The following PCDHA3 variants were observed in gnomAD, a reference collection of about 807,000 sequenced individuals.
PCDHA3 encodes protocadherin alpha-3.
A neutral mutation model predicts 62.2 loss-of-function variants in PCDHA3; 41 were observed. The observed-to-expected ratio is 0.66, with a 90% CI of 0.51 to 0.86. The LOEUF (loss-of-function observed/expected upper bound fraction) is 0.86. Among genes scored for constraint, PCDHA3 ranks in the 40% least tolerant of loss-of-function variants. The pLI, the probability that PCDHA3 is intolerant of heterozygous loss-of-function variation, is 0.00. For missense variants in PCDHA3, 1,304 were observed against 1,241.2 expected, an observed-to-expected ratio of 1.05 and a Z score of -0.76; for synonymous variants, 640 against 555.4, an observed-to-expected ratio of 1.15 and a Z score of -2.14.
intron 1 of PCDHA3, chr5:140,884,538 G>C: frequency 6.2e-7 from 1 of 1,614,112 alleles, no homozygotes; most frequent in Non-Finnish European, 8.5e-7. Flanking sequence ...AGGCGGCCGA[G>C]GGTGTGCTCT....
intron 1 of PCDHA3, chr5:140,822,926 T>C: frequency 6.2e-7 from 1 of 1,614,226 alleles, no homozygotes; most frequent in Middle Eastern, 1.6e-4. Context: ...AACGGGCAGG[T>C]GACCTGCTCC....
intron 1 of PCDHA3, among the ~76,000 whole-genome samples, chr5:140,898,597 G>T (rs1452719602): frequency 6.6e-6 from 1 of 152,186 alleles, no homozygotes; most frequent in Non-Finnish European, 1.5e-5. Context: ...CTGTAGCCTT[G>T]TAGTATAGTT....
At chr5:140,823,776 G>A (rs1013042375) in intron 1 of PCDHA3, 3 of 1,613,732 alleles carry the variant, frequency 1.9e-6, no homozygotes, top group Non-Finnish European at 2.5e-6. Flanking sequence ...TGCTGGTGTC[G>A]CTGGTGGAAA....
intron 3 of PCDHA3, among the ~76,000 whole-genome samples, chr5:140,989,624 G>C (rs527255277): frequency 6.6e-6 from 1 of 152,208 alleles, no homozygotes; most frequent in Non-Finnish European, 1.5e-5. Context: ...GTCTGTCCTA[G>C]TGACAGCAAG....
At position 140,884,772 on chromosome 5, in the gene PCDHA3, T is replaced by G. The variant is rs563372954; in HGVS notation, c.2394+81181T>G. 1.9e-5 allele frequency: 27 copies of G among 1,409,818 alleles called. No homozygotes were observed. In the African/African-American group the frequency reaches 3.6e-4, roughly 19 times the overall value. The allele number at this position is 1,409,818 out of a possible 1,614,324, so 87.3% of individuals were successfully genotyped here. On this transcript the variant is annotated intron_variant, in intron 1 of 3. Transcript: ENST00000522353. Reference sequence around the variant, plus strand: ...TTCAAATTATTCTTTACTTTAATTTTAATTTTGCTAGTTGTTATCGAATTT... The same window carrying G: ...TTCAAATTATTCTTTACTTTAATTTGAATTTTGCTAGTTGTTATCGAATTT...
chr5:140,885,469 C>T (rs1338782835), intron 1 of PCDHA3, among the ~76,000 whole-genome samples: 1 of 152,156 alleles, frequency 6.6e-6, no homozygotes, highest in Admixed American at 6.5e-5. Flanking sequence ...GATGGGCAAT[C>T]ACTTTGTGTC....
rs2150147237 is a variant in PCDHA3, at chr5:140,827,344, G to C, written c.2394+23753G>C. Among the ~76,000 whole-genome samples the C allele has an allele frequency of 1.2e-4, 18 of 152,280 alleles. No homozygotes were observed. In the South Asian group the frequency reaches 2.3e-3, roughly 19 times the overall value. ...TAGAATTTGAAGTGGTGAAGTATAT[G>C]AAAAGAAAATATTTTAAGCAAGAAT... On this transcript the variant is annotated intron_variant, in intron 1 of 3. Transcript: ENST00000522353.
At position 141,011,517 on chromosome 5, in the gene PCDHA3, T is replaced by C. The variant is rs1397450262; in HGVS notation, c.*1580T>C. 2.6e-5 allele frequency: 4 copies of C among 153,768 alleles called. No individual in the cohort carries two copies. The highest frequency in any genetic ancestry group is 5.9e-5 in the Non-Finnish European group (4 of 68,028). The allele number at this position is 153,768 out of a possible 1,614,324, so 9.5% of individuals were successfully genotyped here. On this transcript the variant is annotated 3_prime_UTR_variant, in exon 4 of 4. Transcript: ENST00000522353. Reference sequence around the variant, plus strand: ...ACCTGTGAAAAAGTGGAGTAGTGTTTTTTTAACCATTGTTAATCAGCTTTT... The same window carrying C: ...ACCTGTGAAAAAGTGGAGTAGTGTTCTTTTAACCATTGTTAATCAGCTTTT...
At chr5:140,958,913 C>T (rs1367853733) in intron 1 of PCDHA3, among the ~76,000 whole-genome samples, 12 of 151,050 alleles carry the variant, frequency 7.9e-5, no homozygotes, top group Non-Finnish European at 8.8e-5. Context: ...AAAAGTCTGC[C>T]TGGGTGTGGT....
chr5:140,854,692 A>G (rs1554147391), intron 1 of PCDHA3: 1 of 150,100 alleles, frequency 6.7e-6, no homozygotes, highest in African/African-American at 2.4e-5. Flanking sequence ...TCTGTTGTTA[A>G]GTTTTCCTTT....
intron 1 of PCDHA3, chr5:140,884,082 C>A (rs2059986179): frequency 1.2e-6 from 2 of 1,613,558 alleles, no homozygotes; most frequent in Non-Finnish European, 8.5e-7. Flanking sequence ...GGCTACAATG[C>A]GTGGCTTTCG....
At chr5:140,968,673 A>G in intron 1 of PCDHA3, 2 of 1,614,168 alleles carry the variant, frequency 1.2e-6, no homozygotes, top group Non-Finnish European at 1.7e-6. Context: ...TTTAAGGTAG[A>G]GCTGCACACA....
At chr5:140,850,316 T>G in intron 1 of PCDHA3, 1 of 1,597,142 alleles carries the variant, frequency 6.3e-7, no homozygotes, top group Non-Finnish European at 8.6e-7. Context: ...ACGCGTGGCT[T>G]TCATACGAGC....
intron 1 of PCDHA3, chr5:140,858,225 C>T (rs2045276704): frequency 6.3e-7 from 1 of 1,596,714 alleles, no homozygotes; most frequent in South Asian, 1.1e-5. Context: ...GCGGCGCCCA[C>T]CGAGGGCGCA....
chr5:140,834,360 A>G (rs1554134119), intron 1 of PCDHA3: 1 of 1,549,278 alleles, frequency 6.5e-7, no homozygotes. Context: ...TTTGCTGACT[A>G]GAAAAACAAG....
At chr5:140,897,762 A>G (rs572488219) in intron 1 of PCDHA3, among the ~76,000 whole-genome samples, 1 of 152,324 alleles carries the variant, frequency 6.6e-6, no homozygotes, top group East Asian at 1.9e-4. Flanking sequence ...AGGAATCGCC[A>G]CACTGACTTC....
chr5:140,990,195 A>C (rs1030331876), intron 3 of PCDHA3, among the ~76,000 whole-genome samples: 1 of 152,012 alleles, frequency 6.6e-6, no homozygotes, highest in Non-Finnish European at 1.5e-5. Flanking sequence ...CCAAATGTGG[A>C]CCCGAAAGAG....
chr5:140,869,250 G>T lies in PCDHA3; in HGVS notation c.2394+65659G>T, dbSNP rs371660992. ...ACGGCACCTTCGTGGGCCGCATCGC[G>T]CAGGACCTGGGGCTGGAGCTGGCGG... On this transcript the variant is annotated intron_variant, in intron 1 of 3. Transcript: ENST00000522353. The T allele has an allele frequency of 8.4e-5, 135 of 1,613,518 alleles. No homozygotes were observed. In the Middle Eastern group the frequency reaches 1.0e-3, roughly 13 times the overall value.
rs781833961 is a variant in PCDHA3 at position 140,836,399 on chromosome 5, C to A, written c.2394+32808C>A. 2 of 1,613,764 alleles carry A rather than the reference C, an allele frequency of 1.2e-6. No homozygotes were observed. The highest frequency in any genetic ancestry group is 8.5e-7 in the Non-Finnish European group (1 of 1,179,846). On this transcript the variant is annotated intron_variant, in intron 1 of 3. Coordinates refer to ENST00000522353, the MANE Select transcript of PCDHA3 (RefSeq NM_018906.3). ...CCGTGCTGGTGTCGCTGGTGGAAAG[C>A]GGCCAGGCACCAAAGGCGTCGTCGC...
Sources: allele counts gnomAD v4.1 joint callset (sites outside exome capture counted in the v4.1 genomes callset), GRCh38; gene constraint gnomAD v4.1.1; transcripts MANE v1.5; gene names NCBI Gene and HGNC (gene_info 2026-07-23, HGNC 2026-07-21).